Variants in HMG20A observed in about 807,000 individuals in gnomAD.
HMG20A encodes high mobility group protein 20A.
Under a neutral mutation model 43.9 loss-of-function variants are expected in HMG20A, and 17 were observed. The ratio of observed to expected loss-of-function variants is 0.39; its 90% confidence interval spans 0.27 to 0.58. HMG20A has a LOEUF of 0.58. HMG20A is among the 20% of genes least tolerant of loss of function. HMG20A has a pLI of 0.59. For synonymous variants in HMG20A, 132 were observed against 147.5 expected, an observed-to-expected ratio of 0.89 and a Z score of 0.76; for missense variants, 341 against 438.2, an observed-to-expected ratio of 0.78 and a Z score of 1.98.
At chr15:77,445,116 A>T (rs773248117) in intron 1 of HMG20A, among the ~76,000 whole-genome samples, 4 of 152,218 alleles carry the variant, frequency 2.6e-5, no homozygotes, top group Admixed American at 6.5e-5. Context: ...AATGTTCTTC[A>T]ATTTTCCTTC....
intron 2 of HMG20A, among the ~76,000 whole-genome samples, chr15:77,460,998 GAA>G (rs1195496319): frequency 6.7e-6 from 1 of 149,994 alleles, no homozygotes; most frequent in African/African-American, 2.4e-5. Context: ...AAAAGAAAAA[GAA>G]AAAAAAGTCA....
At chr15:77,488,346 T>C (rs1490386948), downstream of HMG20A, among the ~76,000 whole-genome samples, 1 of 152,252 alleles carries the variant, frequency 6.6e-6, no homozygotes, top group African/African-American at 2.4e-5. Flanking sequence ...TAAAACATGG[T>C]TTCTGCCCTC....
chr15:77,489,906 G>C (rs1022073601), downstream of HMG20A, among the ~76,000 whole-genome samples: 6 of 152,202 alleles, frequency 3.9e-5, no homozygotes, highest in African/African-American at 1.4e-4. Flanking sequence ...GTCGTAAAGA[G>C]TTTGCAGTTT....
chr15:77,471,545 T>C (rs2142348474), intron 5 of HMG20A, among the ~76,000 whole-genome samples: 1 of 152,324 alleles, frequency 6.6e-6, no homozygotes, highest in South Asian at 2.1e-4. Flanking sequence ...CACCCTTTTC[T>C]CCCTAAAGTT....
the HMG20A span, among the ~76,000 whole-genome samples, chr15:77,513,772 C>CTGGA: frequency 6.6e-6 from 1 of 150,908 alleles, no homozygotes; most frequent in African/African-American, 2.4e-5. Flanking sequence ...TGTCGCCAGG[C>CTGGA]TGGAGTGCAG....
At chr15:77,422,036 T>C (rs1334376174) in intron 1 of HMG20A, among the ~76,000 whole-genome samples, 2 of 152,228 alleles carry the variant, frequency 1.3e-5, no homozygotes, top group African/African-American at 2.4e-5. Flanking sequence ...CAGTAGCTCA[T>C]TTTTAATAAA....
At chr15:77,459,121 T>G (rs2072682626) in intron 2 of HMG20A, among the ~76,000 whole-genome samples, 2 of 152,378 alleles carry the variant, frequency 1.3e-5, no homozygotes, top group South Asian at 2.1e-4. Context: ...AAGTGCTAGC[T>G]AATCCCTAAG....
the HMG20A span, among the ~76,000 whole-genome samples, chr15:77,507,676 C>T: frequency 2.0e-5 from 3 of 152,312 alleles, no homozygotes; most frequent in South Asian, 6.2e-4. Flanking sequence ...GGCAAGCGGG[C>T]AGGGGCAGTT....
At chr15:77,504,072 G>GA in the HMG20A span, among the ~76,000 whole-genome samples, 3 of 152,038 alleles carry the variant, frequency 2.0e-5, no homozygotes, top group African/African-American at 4.8e-5. Flanking sequence ...ATTTGATAGG[G>GA]AAAAAAATAT....
the HMG20A span, among the ~76,000 whole-genome samples, chr15:77,515,850 G>A: frequency 1.3e-5 from 2 of 152,194 alleles, no homozygotes; most frequent in Non-Finnish European, 2.9e-5. Context: ...GAAGGAGCAA[G>A]TGGATAGTGA....
At chr15:77,451,184 C>A (rs1453221149) in intron 1 of HMG20A, among the ~76,000 whole-genome samples, 1 of 152,204 alleles carries the variant, frequency 6.6e-6, no homozygotes, top group African/African-American at 2.4e-5. Context: ...CTTGGTTATG[C>A]CCAAGTTTTG....
chr15:77,447,764 A>AG (rs1182246095), intron 1 of HMG20A: 1 of 152,198 alleles, frequency 6.6e-6, no homozygotes, highest in Non-Finnish European at 1.5e-5. Context: ...TATAAAGCAA[A>AG]GCTACACATC....
In HMG20A at chr15:77,420,932, G is replaced by A. The variant is rs1595905570; in HGVS notation, c.-77G>A. The A allele has an allele frequency of 3.8e-5, 15 of 398,614 alleles. No homozygotes were observed. The East Asian group carries it at 4.3e-4, about 11-fold the overall frequency. 24.7% of individuals were successfully genotyped at this position (398,614 alleles called of 1,614,324 possible). A position where few individuals can be genotyped will look rare whatever the true frequency, so the allele number is the denominator to read the frequency against. ...CGTGAAGTGAAGGCGATTGAGAGGG[G>A]CTGAGGGAATTGTCCTCTGTGGAAG... On this transcript the variant is annotated 5_prime_UTR_variant, in exon 1 of 10. Transcript: ENST00000336216.
intron 1 of HMG20A, among the ~76,000 whole-genome samples, chr15:77,437,969 C>T (rs573803493): frequency 2.0e-5 from 3 of 149,470 alleles, no homozygotes; most frequent in Non-Finnish European, 4.5e-5. Context: ...CAATTTTGTT[C>T]GTTTTTTTGA....
intron 1 of HMG20A, among the ~76,000 whole-genome samples, chr15:77,424,020 A>G (rs996390772): frequency 2.7e-5 from 4 of 150,292 alleles, no homozygotes; most frequent in Admixed American, 2.0e-4. Context: ...TACAGTAAAT[A>G]CGGCCAAATA....
chr15:77,464,338 G>A lies in HMG20A; in HGVS notation c.188G>A (p.Ser63Asn). 1.2e-5 allele frequency: 20 copies of A among 1,613,872 alleles called. No homozygotes were observed. The highest frequency in any genetic ancestry group is 1.6e-5 in the Non-Finnish European group (19 of 1,179,842). Residue 63 changes from serine (S) to asparagine (N), a missense_variant, in exon 3 of 10, where the codon AGT becomes AAT. Coordinates refer to ENST00000336216, the MANE Select transcript of HMG20A (RefSeq NM_001304504.2). ...EDLSQGQLLQ[S>N]ESSNAAEGNE... is the part of the protein sequence containing the mutation. ...CTCTCTCAAGGTCAGTTGCTTCAGA[G>A]TGAGTCTTCAAATGCAGCAGAAGGC...
the HMG20A span, among the ~76,000 whole-genome samples, chr15:77,512,449 G>GA: frequency 1.3e-5 from 2 of 151,568 alleles, no homozygotes; most frequent in Non-Finnish European, 2.9e-5. Context: ...TAAAATTAAA[G>GA]AAAAAAAAGG....
chr15:77,445,892 G>T (rs1359845327), intron 1 of HMG20A, among the ~76,000 whole-genome samples: 5 of 152,298 alleles, frequency 3.3e-5, no homozygotes, highest in Admixed American at 1.3e-4. Context: ...TAAAACTTAT[G>T]AATTATTTCT....
chr15:77,450,322 A>G (rs2073722708), intron 1 of HMG20A, among the ~76,000 whole-genome samples: 1 of 152,120 alleles, frequency 6.6e-6, no homozygotes, highest in African/African-American at 2.4e-5. Flanking sequence ...GTATTTGCAT[A>G]CACATAATGA....
Sources: allele counts gnomAD v4.1 joint callset (sites outside exome capture counted in the v4.1 genomes callset), GRCh38; gene constraint gnomAD v4.1.1; transcripts MANE v1.5; gene names NCBI Gene and HGNC (gene_info 2026-07-23, HGNC 2026-07-21).